The following CNBD1 variants were observed in gnomAD, a reference collection of about 807,000 sequenced individuals.
The protein encoded by CNBD1 is cyclic nucleotide-binding domain-containing protein 1.
A neutral mutation model predicts 54.4 loss-of-function variants in CNBD1; 71 were observed. That is an observed-to-expected ratio of 1.30 (90% CI 1.08 to 1.59). The LOEUF (loss-of-function observed/expected upper bound fraction) is 1.59. Ranked by LOEUF, CNBD1 falls within the 40% of genes most tolerant of loss-of-function variation. The pLI, the probability that CNBD1 is intolerant of heterozygous loss-of-function variation, is 0.00. For synonymous variants in CNBD1, 182 were observed against 170.7 expected, an observed-to-expected ratio of 1.07 and a Z score of -0.51; for missense variants, 659 against 518.0, an observed-to-expected ratio of 1.27 and a Z score of -2.64.
Position 87,424,685 on chromosome 8 carries a change from G to T in CNBD1, c.214-3861G>T, listed in dbSNP as rs562063883. Among the ~76,000 whole-genome samples the T allele has an allele frequency of 2.0e-5, 3 of 152,276 alleles. No homozygotes were observed. In the East Asian group the frequency reaches 5.8e-4, roughly 29 times the overall value. ...CTGGCTTGTACGGTTTCTGCCAAGA[G>T]ATCCGCTGTTAGTCTGATGGGCTTC... On this transcript the variant is annotated intron_variant, in intron 2 of 7. Transcript: ENST00000521593.
At chr8:87,286,809 T>C (rs1453014319) in intron 8 of CNBD1, 138 bp downstream of exon 8, 6 of 679,550 alleles carry the variant, frequency 8.8e-6, no homozygotes, top group Middle Eastern at 4.2e-4. Flanking sequence ...AACATTTGAA[T>C]TGGACATTTA....
chr8:87,020,558 G>T (rs777489247), intron 4 of CNBD1, among the ~76,000 whole-genome samples: 4 of 151,930 alleles, frequency 2.6e-5, no homozygotes, highest in Non-Finnish European at 5.9e-5. Flanking sequence ...CTACCTAAGG[G>T]GTCTATGGAG....
At chr8:87,026,227 G>C (rs1308776334) in intron 4 of CNBD1, among the ~76,000 whole-genome samples, 3 of 152,018 alleles carry the variant, frequency 2.0e-5, no homozygotes, top group Admixed American at 2.0e-4. Flanking sequence ...TATACTGATA[G>C]CTACCTTATA....
chr8:87,277,256 G>A (rs1008103744), intron 6 of CNBD1, among the ~76,000 whole-genome samples: 2 of 151,662 alleles, frequency 1.3e-5, no homozygotes, highest in Non-Finnish European at 2.9e-5. Flanking sequence ...AAGCTGTCAA[G>A]GAGGATAATT....
intron 6 of CNBD1, among the ~76,000 whole-genome samples, chr8:87,278,699 A>C (rs1402337205): frequency 6.6e-6 from 1 of 151,528 alleles, no homozygotes; most frequent in Non-Finnish European, 1.5e-5. Flanking sequence ...TCCAGAATTC[A>C]AGTACAGAAA....
chr8:87,388,346 T>C (rs986094651), intron 2 of CNBD1, among the ~76,000 whole-genome samples: 12 of 144,116 alleles, frequency 8.3e-5, no homozygotes, highest in Admixed American at 4.8e-4. Flanking sequence ...ACGAAATTGA[T>C]AGACCGCTAG....
chr8:87,149,592 T>C (rs1257368232), intron 4 of CNBD1, among the ~76,000 whole-genome samples: 2 of 152,104 alleles, frequency 1.3e-5, no homozygotes, highest in Non-Finnish European at 2.9e-5. Context: ...GATAAACATG[T>C]TTAAATTTCA....
chr8:87,150,326 G>A (rs1812578283), intron 4 of CNBD1, among the ~76,000 whole-genome samples: 1 of 152,106 alleles, frequency 6.6e-6, no homozygotes, highest in Non-Finnish European at 1.5e-5. Context: ...ATAGAGTGAA[G>A]GTCTATATGG....
At chr8:86,873,446 C>G (rs960500853) in intron 1 of CNBD1, among the ~76,000 whole-genome samples, 1 of 151,696 alleles carries the variant, frequency 6.6e-6, no homozygotes, top group African/African-American at 2.4e-5. Context: ...GGAGAATTGA[C>G]ATATTTATAA....
rs112409201 is a variant in CNBD1, at chr8:87,143,583, C to T, written c.432-62410C>T. On this transcript the variant is annotated intron_variant, in intron 4 of 10. Coordinates refer to ENST00000518476, the MANE Select transcript of CNBD1 (RefSeq NM_173538.3). ...TGAGTATTACAATAACTTCACAAGG[C>T]TATTGATTCTTTCTGATGAATATAC... Among the ~76,000 whole-genome samples, 394 of 152,212 alleles carry T rather than the reference C, an allele frequency of 2.6e-3. 3 individuals are homozygous for T. Among genetic ancestry groups the T allele is most frequent in the African/African-American group, 9.1e-3 (379 of 41,552 alleles).
intron 6 of CNBD1, among the ~76,000 whole-genome samples, chr8:87,252,547 A>G (rs1351949340): frequency 6.6e-6 from 1 of 152,216 alleles, no homozygotes; most frequent in Non-Finnish European, 1.5e-5. Context: ...CTTAACCTTA[A>G]GGAAGCACTT....
In CNBD1 at chr8:87,270,422, C is replaced by T. The variant is rs182256785; in HGVS notation, c.772-14256C>T. Among the ~76,000 whole-genome samples the T allele has an allele frequency of 7.2e-5, 11 of 152,096 alleles. No individual in the cohort carries two copies. In the East Asian group the frequency reaches 2.1e-3, roughly 29 times the overall value. On this transcript the variant is annotated intron_variant, in intron 6 of 10. Coordinates refer to ENST00000518476, the MANE Select transcript of CNBD1 (RefSeq NM_173538.3). ...TCAAAACCACAATGAGATACCATCT[C>T]ACGCCAGTCAGAATAGCTATTATTA...
At chr8:87,019,912 A>G (rs1809447720) in intron 4 of CNBD1, among the ~76,000 whole-genome samples, 1 of 152,154 alleles carries the variant, frequency 6.6e-6, no homozygotes, top group African/African-American at 2.4e-5. Flanking sequence ...TTAAATTCTA[A>G]TTTAATGTTG....
intron 4 of CNBD1, among the ~76,000 whole-genome samples, chr8:87,024,248 GA>G (rs747783329): frequency 0.46 from 54,101 of 116,886 alleles, 9,679 homozygotes; most frequent in South Asian, 0.62. Flanking sequence ...CAAAAAAAAA[GA>G]AAAAAAAAAA....
intron 4 of CNBD1, among the ~76,000 whole-genome samples, chr8:86,961,023 A>C (rs1807915440): frequency 6.6e-6 from 1 of 152,212 alleles, no homozygotes; most frequent in South Asian, 2.1e-4. Flanking sequence ...GACTTGCATA[A>C]TTTAGACCAT....
At chr8:87,170,942 A>C (rs1186103804) in intron 4 of CNBD1, among the ~76,000 whole-genome samples, 1 of 152,082 alleles carries the variant, frequency 6.6e-6, no homozygotes, top group Non-Finnish European at 1.5e-5. Flanking sequence ...TTTTGCACCA[A>C]TATTCATCGG....
intron 1 of CNBD1, among the ~76,000 whole-genome samples, chr8:86,879,365 G>A (rs1808569947): frequency 6.6e-6 from 1 of 152,144 alleles, no homozygotes; most frequent in African/African-American, 2.4e-5. Context: ...TTGCTTTAGT[G>A]CAACTATTCT....
intron 8 of CNBD1, among the ~76,000 whole-genome samples, chr8:87,293,766 C>A (rs2130876661): frequency 6.6e-6 from 1 of 152,258 alleles, no homozygotes; most frequent in South Asian, 2.1e-4. Context: ...TATCAACACA[C>A]ACAGTGGAAA....
At chr8:87,203,272 T>C (rs1341386525) in intron 4 of CNBD1, among the ~76,000 whole-genome samples, 1 of 152,238 alleles carries the variant, frequency 6.6e-6, no homozygotes, top group East Asian at 1.9e-4. Flanking sequence ...CATGCATATC[T>C]ATATTATGAA....
Sources: allele counts gnomAD v4.1 joint callset (sites outside exome capture counted in the v4.1 genomes callset), GRCh38; gene constraint gnomAD v4.1.1; transcripts MANE v1.5; gene names NCBI Gene and HGNC (gene_info 2026-07-23, HGNC 2026-07-21).